TANK: variants seen among roughly 807,000 people sequenced by gnomAD.
TANK encodes the protein TRAF family member-associated NF-kappa-B activator.
In TANK, 15 loss-of-function variants were observed where a neutral mutation model predicts 43.6. The observed-to-expected ratio is 0.34, with a 90% CI of 0.23 to 0.53. TANK has a LOEUF of 0.53. Among genes scored for constraint, TANK ranks in the 20% least tolerant of loss-of-function variants. The probability of loss-of-function intolerance (pLI) is 0.94; values close to 1 mark genes in which losing one functional copy is unlikely to be tolerated. For missense variants in TANK, 417 were observed against 498.6 expected, an observed-to-expected ratio of 0.84 and a Z score of 1.56; for synonymous variants, 162 against 178.2, an observed-to-expected ratio of 0.91 and a Z score of 0.73.
chr2:161,189,815 T>C (rs2105318026), intron 2 of TANK, among the ~76,000 whole-genome samples: 1 of 152,276 alleles, frequency 6.6e-6, no homozygotes, highest in Middle Eastern at 3.4e-3. Context: ...GACCCTTGCC[T>C]TTCTCCATAT....
At chr2:161,202,182 C>CTTTTTTTT (rs35913723) in intron 2 of TANK, among the ~76,000 whole-genome samples, 42 of 78,120 alleles carry the variant, frequency 5.4e-4, no homozygotes, top group East Asian at 9.0e-4. Flanking sequence ...GCTCTAATTT[C>CTTTTTTTT]TTTTTTTTTT....
At chr2:161,184,581 G>A (rs1295272805) in intron 2 of TANK, among the ~76,000 whole-genome samples, 2 of 152,140 alleles carry the variant, frequency 1.3e-5, no homozygotes, top group Admixed American at 1.3e-4. Context: ...AAGCATTAGA[G>A]ATGAGTTGGG....
rs142186359 is a variant in TANK, at chr2:161,141,448, G to T, written c.-50+4385G>T. On this transcript the variant is annotated intron_variant, in intron 1 of 7. Transcript: ENST00000259075. ...TCAACCTGTCATCTAGGTTTTAAGT[G>T]CTGCATGCATTAGCTATTTATCCCT... Among the ~76,000 whole-genome samples the T allele has an allele frequency of 2.6e-4, 40 of 152,076 alleles. 1 individual carries two copies. The East Asian group carries it at 7.1e-3, about 27-fold the overall frequency.
chr2:161,201,662 G>C (rs1471561411), intron 2 of TANK, among the ~76,000 whole-genome samples: 3 of 152,198 alleles, frequency 2.0e-5, no homozygotes, highest in Non-Finnish European at 4.4e-5. Context: ...CTTGTTTGCT[G>C]ATTCTTCAGC....
chr2:161,197,257 A>G (rs144364423), intron 2 of TANK: 118 of 152,296 alleles, frequency 7.7e-4, no homozygotes, highest in African/African-American at 2.6e-3. Context: ...TTAATCTTTA[A>G]TCGTTTAGTC....
At chr2:161,212,175 C>A in intron 4 of TANK, 1 of 309,234 alleles carries the variant, frequency 3.2e-6, no homozygotes. Context: ...AATCTCCTGC[C>A]TCAGCCTCCC....
chr2:161,153,279 G>T (rs1042837649), intron 1 of TANK, among the ~76,000 whole-genome samples: 2 of 151,302 alleles, frequency 1.3e-5, no homozygotes, highest in Non-Finnish European at 2.9e-5. Context: ...TAGTTCTTCG[G>T]GCATATTTAA....
intron 1 of TANK, among the ~76,000 whole-genome samples, chr2:161,168,736 G>A (rs1298492110): frequency 6.6e-6 from 1 of 152,206 alleles, no homozygotes; most frequent in Admixed American, 6.5e-5. Flanking sequence ...GGGAGGCTGA[G>A]GCACAAGAAT....
chr2:161,220,109 A>C (rs1349897857), intron 4 of TANK, among the ~76,000 whole-genome samples: 1 of 152,232 alleles, frequency 6.6e-6, no homozygotes, highest in Admixed American at 6.5e-5. Context: ...CTAGCTAAAA[A>C]TAAATATTCC....
intron 2 of TANK, among the ~76,000 whole-genome samples, chr2:161,185,485 G>GTTTTTTTTT (rs1375068038): frequency 6.8e-6 from 1 of 146,814 alleles, no homozygotes; most frequent in Non-Finnish European, 1.5e-5. Context: ...TTGGTTTTTT[G>GTTTTTTTTT]TTTTTTTTTT....
At chr2:161,218,248 A>G (rs1687204204) in intron 4 of TANK, among the ~76,000 whole-genome samples, 1 of 152,178 alleles carries the variant, frequency 6.6e-6, no homozygotes, top group South Asian at 2.1e-4. Context: ...ACTGCTTCTC[A>G]GTGATAAATA....
chr2:161,216,496 T>C, intron 4 of TANK: 1 of 440,014 alleles, frequency 2.3e-6, no homozygotes. Context: ...CTCTTCTTCC[T>C]ACTTTTTTTC....
chr2:161,147,283 C>G (rs1408229635), intron 1 of TANK, among the ~76,000 whole-genome samples: 2 of 152,204 alleles, frequency 1.3e-5, no homozygotes, highest in African/African-American at 2.4e-5. Flanking sequence ...GTGTTGGCTA[C>G]CATCTCTCCC....
intron 1 of TANK, among the ~76,000 whole-genome samples, chr2:161,173,742 C>G (rs1685056134): frequency 6.6e-6 from 1 of 152,084 alleles, no homozygotes; most frequent in Non-Finnish European, 1.5e-5. Flanking sequence ...AAGACCATGA[C>G]TGTTTTTCAC....
At position 161,221,662 on chromosome 2, in the gene TANK, CT is replaced by C. The variant is rs75309944; in HGVS notation, c.328-2238del. ...AAAATGTCTGTCAGAAAACCGTTTA[CT>C]TTTTTTTTTTTTTTCCCCCAAGTAA... On this transcript the variant is annotated intron_variant, in intron 4 of 7. Transcript: ENST00000392749. 7.0e-3 allele frequency among the ~76,000 whole-genome samples: 987 copies of C among 140,642 alleles called. 3 individuals carry two copies. The highest frequency in any genetic ancestry group is 0.015 in the East Asian group (71 of 4,884). The allele number at this position is 140,642 out of a possible 152,430, so 92.3% of individuals were successfully genotyped here.
At chr2:161,165,735 T>C (rs1684649480) in intron 1 of TANK, among the ~76,000 whole-genome samples, 1 of 152,222 alleles carries the variant, frequency 6.6e-6, no homozygotes, top group South Asian at 2.1e-4. Context: ...AGATTTTTAA[T>C]ATTAACTATT....
intron 1 of TANK, among the ~76,000 whole-genome samples, chr2:161,144,244 T>C (rs923214333): frequency 6.6e-6 from 1 of 152,132 alleles, no homozygotes; most frequent in East Asian, 1.9e-4. Flanking sequence ...TTGTAAACTT[T>C]TTCAAAAAAA....
At chr2:161,177,483 C>T (rs1436523302) in intron 1 of TANK, among the ~76,000 whole-genome samples, 1 of 152,038 alleles carries the variant, frequency 6.6e-6, no homozygotes, top group Non-Finnish European at 1.5e-5. Flanking sequence ...ATTGGCTAAC[C>T]TCATGCAAAA....
At chr2:161,208,100 T>C (rs1382451424) in intron 4 of TANK, 2 of 955,084 alleles carry the variant, frequency 2.1e-6, no homozygotes, top group African/African-American at 1.8e-5. Flanking sequence ...TTTGTTTTCT[T>C]TAGACAATTT....
Sources: allele counts gnomAD v4.1 joint callset (sites outside exome capture counted in the v4.1 genomes callset), GRCh38; gene constraint gnomAD v4.1.1; transcripts MANE v1.5; gene names NCBI Gene and HGNC (gene_info 2026-07-23, HGNC 2026-07-21).